The following SLC38A12 variants were observed in gnomAD, a reference collection of about 807,000 sequenced individuals.
SLC38A12 encodes the protein solute carrier family 38 member 12.
the SLC38A12 span, among the ~76,000 whole-genome samples, chr17:74,800,062 C>T: frequency 6.6e-6 from 1 of 152,244 alleles, no homozygotes; most frequent in Non-Finnish European, 1.5e-5. Flanking sequence ...TTCCTGGGAT[C>T]CCGGAGCTGA....
chr17:74,826,250 C>T, the SLC38A12 span, among the ~76,000 whole-genome samples: 19 of 152,310 alleles, frequency 1.2e-4, no homozygotes, highest in African/African-American at 4.1e-4. Context: ...TGATTTCTGA[C>T]GGAAGGCTTG....
the SLC38A12 span, chr17:74,837,003 C>T: frequency 8.7e-7 from 1 of 1,152,502 alleles, no homozygotes; most frequent in Non-Finnish European, 1.1e-6. Context: ...CCCAACCCTA[C>T]TTCCAGGGCG....
At chr17:74,802,453 G>A in the SLC38A12 span, among the ~76,000 whole-genome samples, 2 of 152,186 alleles carry the variant, frequency 1.3e-5, no homozygotes, top group Non-Finnish European at 2.9e-5. Flanking sequence ...ATGGGCCTCT[G>A]TCAAGGTCCT....
chr17:74,828,030 T>C, the SLC38A12 span, among the ~76,000 whole-genome samples: 1 of 152,180 alleles, frequency 6.6e-6, no homozygotes, highest in Non-Finnish European at 1.5e-5. Context: ...GGAGTGCCGG[T>C]GCCTGAGCTG....
At chr17:74,814,019 G>A in the SLC38A12 span, among the ~76,000 whole-genome samples, 1 of 152,170 alleles carries the variant, frequency 6.6e-6, no homozygotes, top group Non-Finnish European at 1.5e-5. Context: ...GTGGGTGGCG[G>A]TGGGTGACTA....
chr17:74,814,747 C>T, the SLC38A12 span, among the ~76,000 whole-genome samples: 1 of 152,182 alleles, frequency 6.6e-6, no homozygotes, highest in African/African-American at 2.4e-5. Flanking sequence ...AAATGCAGTG[C>T]ATCCTACAAA....
chr17:74,819,388 T>C, the SLC38A12 span, among the ~76,000 whole-genome samples: 1 of 152,362 alleles, frequency 6.6e-6, no homozygotes, highest in East Asian at 1.9e-4. Flanking sequence ...ATTATGTCTC[T>C]AGCCCATGCT....
the SLC38A12 span, chr17:74,839,529 G>A: frequency 5.6e-6 from 1 of 179,554 alleles, no homozygotes; most frequent in Non-Finnish European, 1.2e-5. Context: ...TTGCAGACTG[G>A]AGGGGTAACC....
the SLC38A12 span, among the ~76,000 whole-genome samples, chr17:74,779,033 A>C: frequency 6.6e-6 from 1 of 152,162 alleles, no homozygotes; most frequent in Non-Finnish European, 1.5e-5. Context: ...TTGTGGAATT[A>C]TGTAACAGCT....
At chr17:74,828,394 C>T in the SLC38A12 span, among the ~76,000 whole-genome samples, 1 of 152,210 alleles carries the variant, frequency 6.6e-6, no homozygotes, top group South Asian at 2.1e-4. Flanking sequence ...AGTGTGTGTG[C>T]ACAACTCGGA....
the SLC38A12 span, among the ~76,000 whole-genome samples, chr17:74,834,081 G>T: frequency 6.6e-6 from 1 of 151,938 alleles, no homozygotes; most frequent in African/African-American, 2.4e-5. Context: ...ACTCCTGTGG[G>T]GTGGATCTCT....
chr17:74,805,379 C>T, the SLC38A12 span, among the ~76,000 whole-genome samples: 1 of 152,234 alleles, frequency 6.6e-6, no homozygotes, highest in African/African-American at 2.4e-5. The surrounding 1 kb of genome is among the most constrained non-coding windows in gnomAD (Gnocchi z 5.0). Flanking sequence ...TCACTTGCGG[C>T]TGACGGGTAC....
At chr17:74,794,656 G>A in the SLC38A12 span, among the ~76,000 whole-genome samples, 4 of 152,038 alleles carry the variant, frequency 2.6e-5, no homozygotes, top group Non-Finnish European at 2.9e-5. Flanking sequence ...ACGCACCTGG[G>A]GTTCAGGCTC....
At chr17:74,811,935 A>G in the SLC38A12 span, among the ~76,000 whole-genome samples, 4 of 151,686 alleles carry the variant, frequency 2.6e-5, no homozygotes, top group African/African-American at 9.7e-5. Context: ...AGTCGTAGCT[A>G]CTCAGGAGGC....
the SLC38A12 span, chr17:74,795,121 C>T: frequency 1.9e-6 from 3 of 1,613,006 alleles, no homozygotes; most frequent in East Asian, 2.2e-5. Flanking sequence ...GGTGAGTACC[C>T]TCCTGGCCCC....
the SLC38A12 span, among the ~76,000 whole-genome samples, chr17:74,812,707 C>T: frequency 6.2e-4 from 95 of 152,324 alleles, no homozygotes; most frequent in African/African-American, 2.1e-3. Context: ...CCGAGTGCTC[C>T]GTGGTCAGCT....
the SLC38A12 span, among the ~76,000 whole-genome samples, chr17:74,801,329 G>A: frequency 1.3e-4 from 20 of 152,348 alleles, no homozygotes; most frequent in East Asian, 1.2e-3. Flanking sequence ...GGTGCACTGC[G>A]TGCAGTCGTT....
At chr17:74,837,083 C>T in the SLC38A12 span, 1 of 1,005,070 alleles carries the variant, frequency 9.9e-7, no homozygotes, top group Non-Finnish European at 1.2e-6. Flanking sequence ...CATGCCCCTC[C>T]CCTCTCCTGC....
the SLC38A12 span, among the ~76,000 whole-genome samples, chr17:74,827,890 A>G: frequency 4.7e-4 from 69 of 146,390 alleles, no homozygotes; most frequent in Middle Eastern, 3.5e-3. The surrounding 1 kb of genome is among the most constrained non-coding windows in gnomAD (Gnocchi z 4.7). Context: ...TCAGGCTGGT[A>G]TTACGCACCC....
Sources: allele counts gnomAD v4.1 joint callset (sites outside exome capture counted in the v4.1 genomes callset), GRCh38; gene constraint gnomAD v4.1.1; non-coding constraint Gnocchi (gnomAD v3.1); transcripts MANE v1.5; gene names NCBI Gene and HGNC (gene_info 2026-07-23, HGNC 2026-07-21).